Variants in FXR1 observed in about 807,000 individuals in gnomAD.
FXR1 encodes RNA-binding protein FXR1.
A neutral mutation model predicts 84.0 loss-of-function variants in FXR1; 15 were observed. The observed-to-expected ratio is 0.18, with a 90% CI of 0.12 to 0.27. The LOEUF (loss-of-function observed/expected upper bound fraction) is 0.27. Ranked by LOEUF, FXR1 falls within the 10% of genes least tolerant of loss-of-function variation. The pLI is 1.00. For synonymous variants in FXR1, 245 were observed against 250.7 expected (o/e 0.98, Z 0.21); for missense variants, 480 against 774.4 (o/e 0.62, Z 4.51).
chr3:180,924,658 A>G (rs1294911079), intron 1 of FXR1, among the ~76,000 whole-genome samples: 1 of 151,994 alleles, frequency 6.6e-6, no homozygotes, highest in African/African-American at 2.4e-5. Flanking sequence ...AGATCAACCA[A>G]TTTTTGTATT....
rs1309975902 is a variant in FXR1, at chr3:180,961,382, T to G, written c.991-86T>G. ...AAAAAAAAAAAGGTGTGTGTGTGTG[T>G]GCCTGCCTGTCAGTTTCATGTCACT... On this transcript the variant is annotated intron_variant, in intron 10 of 16. Transcript: ENST00000357559. The G allele has an allele frequency of 2.9e-5, 12 of 408,830 alleles. No homozygotes were observed. In the East Asian group the frequency reaches 5.7e-4, roughly 19 times the overall value. 25.3% of individuals were successfully genotyped at this position (408,830 alleles called of 1,614,324 possible).
At chr3:180,930,136 G>A (rs1314590306) in intron 1 of FXR1, among the ~76,000 whole-genome samples, 1 of 152,140 alleles carries the variant, frequency 6.6e-6, no homozygotes, top group East Asian at 1.9e-4. Context: ...GGTGGCGTGT[G>A]CCTGTAATCC....
At chr3:180,942,618 G>A (rs1224745616) in intron 3 of FXR1, among the ~76,000 whole-genome samples, 3 of 152,044 alleles carry the variant, frequency 2.0e-5, no homozygotes, top group Non-Finnish European at 4.4e-5. Flanking sequence ...TCCATAAAAC[G>A]ATAGTGATTA....
chr3:180,922,760 G>A (rs998841395), intron 1 of FXR1, among the ~76,000 whole-genome samples: 6 of 152,086 alleles, frequency 3.9e-5, no homozygotes, highest in African/African-American at 1.2e-4. Context: ...CTACAGACAT[G>A]TGCCACCATG....
At position 180,980,632 on chromosome 3, in the gene FXR1, T is replaced by A. The variant is rs1045287056; in HGVS notation, c.*4340T>A. 1.6e-4 allele frequency: 25 copies of A among 152,054 alleles called. No individual in the cohort carries two copies. The highest frequency in any genetic ancestry group is 5.8e-4 in the African/African-American group (24 of 41,434). 9.4% of individuals were successfully genotyped at this position (152,054 alleles called of 1,614,324 possible). On this transcript the variant is annotated 3_prime_UTR_variant, in exon 17 of 17. Coordinates refer to ENST00000357559, the MANE Select transcript of FXR1 (RefSeq NM_005087.4). ...AAAATGTAAACATATATTTGAAATTTCATTAACTGAAACTGCTGTAAGGTG... is the reference window on the plus strand; with the variant it reads ...AAAATGTAAACATATATTTGAAATTACATTAACTGAAACTGCTGTAAGGTG...
chr3:180,971,254 TGC>T, intron 15 of FXR1: 1 of 250,274 alleles, frequency 4.0e-6, no homozygotes, highest in Non-Finnish European at 7.3e-6. Flanking sequence ...TACACATGTG[TGC>T]ATATACATTC....
intron 3 of FXR1, among the ~76,000 whole-genome samples, chr3:180,940,394 A>G (rs2108453143): frequency 6.6e-6 from 1 of 152,290 alleles, no homozygotes; most frequent in Admixed American, 6.5e-5. Flanking sequence ...TATCTAGTAC[A>G]GTGTTTTGGG....
intron 1 of FXR1, among the ~76,000 whole-genome samples, chr3:180,917,219 C>A (rs901558946): frequency 6.6e-6 from 1 of 152,120 alleles, no homozygotes; most frequent in Non-Finnish European, 1.5e-5. Flanking sequence ...TTCTATAATT[C>A]CCTGTTTAGC....
At chr3:180,955,187 G>C (rs1330649088) in intron 9 of FXR1, among the ~76,000 whole-genome samples, 2 of 151,900 alleles carry the variant, frequency 1.3e-5, no homozygotes, top group Admixed American at 6.6e-5. Context: ...TAGAGATGTG[G>C]TTTCACCATA....
At chr3:180,969,322 C>T (rs562712495) in intron 14 of FXR1, among the ~76,000 whole-genome samples, 14 of 152,272 alleles carry the variant, frequency 9.2e-5, no homozygotes, top group African/African-American at 3.4e-4. Context: ...AATGGATACG[C>T]TTAGTGTCTT....
chr3:180,970,136 C>T, intron 14 of FXR1, 22 bp from the exon 15 acceptor site: 4 of 1,348,118 alleles, frequency 3.0e-6, no homozygotes, highest in Non-Finnish European at 4.3e-6. Flanking sequence ...ACGAATATTT[C>T]TTGCCTCTGA....
intron 1 of FXR1, chr3:180,915,720 A>G: frequency 1.4e-6 from 1 of 693,352 alleles, no homozygotes; most frequent in Non-Finnish European, 2.6e-6. Flanking sequence ...GCCATTGATG[A>G]GTTTCAAAGT....
chr3:180,972,760 G>A (rs896053387), intron 15 of FXR1, among the ~76,000 whole-genome samples: 1 of 152,072 alleles, frequency 6.6e-6, no homozygotes, highest in African/African-American at 2.4e-5. Context: ...ATCTATTCCT[G>A]TTTTACTTCT....
At chr3:180,947,348 G>A (rs1377463183) in intron 3 of FXR1, among the ~76,000 whole-genome samples, 1 of 152,124 alleles carries the variant, frequency 6.6e-6, no homozygotes, top group Non-Finnish European at 1.5e-5. Context: ...CGTCCGGCCT[G>A]GATAGGAATT....
intron 15 of FXR1, among the ~76,000 whole-genome samples, chr3:180,972,209 A>G (rs1471983336): frequency 1.3e-5 from 2 of 152,170 alleles, no homozygotes. Flanking sequence ...CATACCTGTA[A>G]TCCCAGCACT....
At chr3:180,942,017 A>C (rs1212573839) in intron 3 of FXR1, among the ~76,000 whole-genome samples, 4 of 152,152 alleles carry the variant, frequency 2.6e-5, no homozygotes, top group African/African-American at 9.7e-5. Context: ...ATGGAAATAT[A>C]GTTAATTTAC....
At chr3:180,923,779 G>A (rs1347576472) in intron 1 of FXR1, among the ~76,000 whole-genome samples, 3 of 152,022 alleles carry the variant, frequency 2.0e-5, no homozygotes, top group Admixed American at 6.6e-5. Flanking sequence ...CTGTTGATCT[G>A]TCTCCCTATG....
intron 15 of FXR1, among the ~76,000 whole-genome samples, chr3:180,973,130 GT>G (rs1478009014): frequency 7.2e-5 from 11 of 152,068 alleles, no homozygotes; most frequent in Non-Finnish European, 1.5e-4. Flanking sequence ...TCTAGATATT[GT>G]TAATTATTAA....
Position 180,917,106 on chromosome 3 carries a change from G to A in FXR1, c.51+4370G>A, listed in dbSNP as rs547508537. Among the ~76,000 whole-genome samples the A allele has an allele frequency of 2.6e-5, 4 of 152,326 alleles. No individual in the cohort carries two copies. In the East Asian group the frequency reaches 7.7e-4, roughly 29 times the overall value. ...CCGCCTCGGCGTCCCAAGGTGCTGG[G>A]AATACAGGCGTGAGCCACCGCGCCT... On this transcript the variant is annotated intron_variant, in intron 1 of 16. Coordinates refer to ENST00000357559, the MANE Select transcript of FXR1 (RefSeq NM_005087.4).
Sources: gnomAD v4.1 joint callset for allele counts (sites outside exome capture counted in the v4.1 genomes callset) on GRCh38, gnomAD v4.1.1 for gene constraint, MANE v1.5 for transcripts, NCBI Gene and HGNC (gene_info 2026-07-23, HGNC 2026-07-21) for gene names.